The following ZFAT variants were observed in gnomAD, a reference collection of about 807,000 sequenced individuals.
The protein encoded by ZFAT is zinc finger and AT-hook domain containing.
In ZFAT, 64 loss-of-function variants were observed where a neutral mutation model predicts 117.7. The ratio of observed to expected loss-of-function variants is 0.54; its 90% confidence interval spans 0.44 to 0.67. The LOEUF is 0.67. Among genes scored for constraint, ZFAT ranks in the 30% least tolerant of loss-of-function variants. The pLI, the probability that ZFAT is intolerant of heterozygous loss-of-function variation, is 0.00. For synonymous variants in ZFAT, 679 were observed against 615.0 expected, an observed-to-expected ratio of 1.10 and a Z score of -1.54; for missense variants, 1,433 against 1,584.5, an observed-to-expected ratio of 0.90 and a Z score of 1.62.
chr8:134,686,279 G>A (rs1302738595), intron 1 of ZFAT, among the ~76,000 whole-genome samples: 2 of 152,194 alleles, frequency 1.3e-5, no homozygotes, highest in Non-Finnish European at 2.9e-5. Flanking sequence ...CAGGGTCCAG[G>A]TGGCATGCTT....
At chr8:134,681,436 T>C (rs755590192) in intron 1 of ZFAT, among the ~76,000 whole-genome samples, 6 of 152,210 alleles carry the variant, frequency 3.9e-5, no homozygotes, top group Non-Finnish European at 8.8e-5. Flanking sequence ...AGCTTCCCCT[T>C]AGCGATGATG....
chr8:134,613,966 C>G (rs1464856878), intron 3 of ZFAT, among the ~76,000 whole-genome samples: 1 of 152,216 alleles, frequency 6.6e-6, no homozygotes, highest in Non-Finnish European at 1.5e-5. Flanking sequence ...GCCTGGACTT[C>G]TTGTTACACG....
intron 1 of ZFAT, among the ~76,000 whole-genome samples, chr8:134,705,377 G>GTTT (rs61505145): frequency 0.012 from 1,683 of 137,360 alleles, 57 homozygotes; most frequent in African/African-American, 0.038. Context: ...GTTTTTTTTT[G>GTTT]TTTTTTTTTT....
chr8:134,801,236 C>T, the ZFAT span, among the ~76,000 whole-genome samples: 2 of 152,226 alleles, frequency 1.3e-5, no homozygotes, highest in South Asian at 2.1e-4. Context: ...ATCTTTCCCA[C>T]ACTCTGATCT....
intron 3 of ZFAT, among the ~76,000 whole-genome samples, chr8:134,616,880 A>G (rs530529857): frequency 6.6e-6 from 1 of 152,304 alleles, no homozygotes; most frequent in Non-Finnish European, 1.5e-5. Context: ...GAATCTCCCT[A>G]AAATCACTCA....
intron 2 of ZFAT, among the ~76,000 whole-genome samples, chr8:134,645,092 G>A (rs916912223): frequency 6.6e-6 from 1 of 152,156 alleles, no homozygotes; most frequent in Non-Finnish European, 1.5e-5. Context: ...AAAAGAGAAG[G>A]AAAATGAAAG....
At chr8:134,653,761 G>A (rs1457426481) in intron 2 of ZFAT, among the ~76,000 whole-genome samples, 7 of 151,784 alleles carry the variant, frequency 4.6e-5, no homozygotes, top group Admixed American at 3.3e-4. Flanking sequence ...GAGACATGTC[G>A]GTACTGAAAT....
chr8:134,635,593 A>C (rs1353614676), intron 3 of ZFAT, among the ~76,000 whole-genome samples: 2 of 151,942 alleles, frequency 1.3e-5, no homozygotes, highest in African/African-American at 4.8e-5. Context: ...ATGCATATGT[A>C]TGCATGTGAG....
chr8:134,656,812 T>C (rs144984561), intron 2 of ZFAT, among the ~76,000 whole-genome samples: 1 of 152,204 alleles, frequency 6.6e-6, no homozygotes, highest in Non-Finnish European at 1.5e-5. Context: ...TTGCAGCGGT[T>C]CCTCATGTGC....
chr8:134,577,799 G>A (rs1825417840), intron 10 of ZFAT, among the ~76,000 whole-genome samples: 1 of 152,154 alleles, frequency 6.6e-6, no homozygotes, highest in Non-Finnish European at 1.5e-5. Flanking sequence ...AAACATGAAA[G>A]AGAGTATGAA....
At chr8:134,562,975 C>A (rs1462750947) in intron 11 of ZFAT, among the ~76,000 whole-genome samples, 3 of 152,184 alleles carry the variant, frequency 2.0e-5, no homozygotes, top group Admixed American at 2.0e-4. Context: ...AGCAATGCTG[C>A]AAAAGCCAGG....
intron 11 of ZFAT, among the ~76,000 whole-genome samples, chr8:134,563,317 C>G (rs1178975539): frequency 6.6e-6 from 1 of 152,302 alleles, no homozygotes; most frequent in East Asian, 1.9e-4. Flanking sequence ...CTTTCTGCCC[C>G]CAACAAGTAA....
the ZFAT span, among the ~76,000 whole-genome samples, chr8:134,749,357 T>C: frequency 0.42 from 64,241 of 152,044 alleles, 14,331 homozygotes; most frequent in African/African-American, 0.57. Flanking sequence ...TTATTGCTCA[T>C]GGTTCTGAAG....
At chr8:134,514,464 T>A (rs747885119) in intron 13 of ZFAT, among the ~76,000 whole-genome samples, 2 of 152,208 alleles carry the variant, frequency 1.3e-5, no homozygotes, top group Non-Finnish European at 2.9e-5. Context: ...GTGATCATCA[T>A]CAACATCCGC....
chr8:134,753,312 G>A, the ZFAT span, among the ~76,000 whole-genome samples: 29 of 152,252 alleles, frequency 1.9e-4, no homozygotes, highest in African/African-American at 6.5e-4. Context: ...GTTGAGGATT[G>A]TTGGGAAATT....
chr8:134,734,742 C>T, the ZFAT span, among the ~76,000 whole-genome samples: 6 of 152,294 alleles, frequency 3.9e-5, no homozygotes, highest in East Asian at 1.9e-4. Flanking sequence ...CCATGTGTTC[C>T]GGGAAAGGCA....
At chr8:134,647,598 G>T (rs1484054320) in intron 2 of ZFAT, among the ~76,000 whole-genome samples, 1 of 152,144 alleles carries the variant, frequency 6.6e-6, no homozygotes, top group Admixed American at 6.5e-5. Context: ...TCTGTTTGTA[G>T]ATGACATAAT....
chr8:134,766,392 A>C, the ZFAT span: 1 of 152,240 alleles, frequency 6.6e-6, no homozygotes, highest in African/African-American at 2.4e-5. Context: ...AAGTGTTTAC[A>C]AAAGTAGAGA....
chr8:134,504,737 G>A (rs892260011), intron 15 of ZFAT, among the ~76,000 whole-genome samples: 1 of 152,172 alleles, frequency 6.6e-6, no homozygotes, highest in East Asian at 1.9e-4. Context: ...GCAGAAGGGC[G>A]GAAGGGAGAG....
Sources: gnomAD v4.1 joint callset for allele counts (sites outside exome capture counted in the v4.1 genomes callset) on GRCh38, gnomAD v4.1.1 for gene constraint, MANE v1.5 for transcripts, NCBI Gene and HGNC (gene_info 2026-07-23, HGNC 2026-07-21) for gene names.